Variants in KIAA0319 observed in about 807,000 individuals in gnomAD.
KIAA0319 encodes dyslexia-associated protein KIAA0319.
In KIAA0319, 83 loss-of-function variants were observed where a neutral mutation model predicts 108.4. The observed-to-expected ratio is 0.77, with a 90% confidence interval of 0.64 to 0.92. The LOEUF is 0.92. KIAA0319 is among the 40% of genes least tolerant of loss of function. KIAA0319 has a pLI of 0.00. For missense variants in KIAA0319, 1,195 were observed against 1,322.4 expected, an observed-to-expected ratio of 0.90 and a Z score of 1.49; for synonymous variants, 484 against 510.4, an observed-to-expected ratio of 0.95 and a Z score of 0.70.
At chr6:24,608,848 G>A (rs1011643362) in intron 1 of KIAA0319, among the ~76,000 whole-genome samples, 2 of 138,072 alleles carry the variant, frequency 1.4e-5, no homozygotes, top group Admixed American at 7.7e-5. Context: ...GGAGAATGGC[G>A]TGAACCCGGG....
chr6:24,558,826 T>C (rs1386207524), intron 17 of KIAA0319, among the ~76,000 whole-genome samples, 187 bp downstream of exon 17: 50 of 152,248 alleles, frequency 3.3e-4, no homozygotes, highest in Non-Finnish European at 1.5e-5. Context: ...TGTTTTCCAT[T>C]TTTCTTCCAA....
downstream of KIAA0319, among the ~76,000 whole-genome samples, chr6:24,542,891 G>T (rs146954255): frequency 2.0e-5 from 3 of 152,258 alleles, no homozygotes; most frequent in South Asian, 2.1e-4. Flanking sequence ...AACCAACCAG[G>T]CGTCATCTGT....
At chr6:24,600,605 C>G in intron 2 of KIAA0319, 1 of 1,377,884 alleles carries the variant, frequency 7.3e-7, no homozygotes, top group Non-Finnish European at 1.0e-6. Flanking sequence ...ACCCTCAATC[C>G]TTGGTATACT....
At chr6:24,620,592 C>T (rs1321020655) in intron 1 of KIAA0319, among the ~76,000 whole-genome samples, 1 of 152,240 alleles carries the variant, frequency 6.6e-6, no homozygotes, top group Non-Finnish European at 1.5e-5. Flanking sequence ...TAAGCCACTG[C>T]TCCCGGCCCC....
At chr6:24,634,137 C>A (rs187184315) in intron 1 of KIAA0319, among the ~76,000 whole-genome samples, 1 of 152,262 alleles carries the variant, frequency 6.6e-6, no homozygotes, top group Non-Finnish European at 1.5e-5. Flanking sequence ...TTATTTAACA[C>A]CTGTCATGAA....
intron 1 of KIAA0319, among the ~76,000 whole-genome samples, chr6:24,627,714 A>G (rs967386748): frequency 6.6e-6 from 1 of 152,202 alleles, no homozygotes; most frequent in Non-Finnish European, 1.5e-5. Flanking sequence ...TACTCCGTAA[A>G]TGGGAAAAGA....
In KIAA0319 at chr6:24,564,346, A is replaced by T; in HGVS notation, c.2293-6T>A. ...TCAGAGCCATCGATGACATCCTGCG[A>T]AAGAACACGGATCACAGGGCAGCTG... On this transcript the variant is annotated splice_region_variant and splice_polypyrimidine_tract_variant and intron_variant, in intron 14 of 20. Coordinates refer to ENST00000378214, the MANE Select transcript of KIAA0319 (RefSeq NM_014809.4). 7 of 1,614,152 alleles carry T rather than the reference A, an allele frequency of 4.3e-6. No homozygotes were observed. Among genetic ancestry groups the T allele is most frequent in the Non-Finnish European group, 5.9e-6 (7 of 1,179,976 alleles).
At position 24,560,814 on chromosome 6, in the gene KIAA0319, C is replaced by A. The variant is rs941225908; in HGVS notation, c.2592-1659G>T. Among the ~76,000 whole-genome samples, 106 of 152,190 alleles carry A rather than the reference C, an allele frequency of 7.0e-4. 1 individual carries two copies. The highest frequency in any genetic ancestry group is 5.6e-3 in the Admixed American group (86 of 15,282). On this transcript the variant is annotated intron_variant, in intron 16 of 20. Transcript: ENST00000378214. ...AGCCCACCCTACTCCAGTATAACTT[C>A]TTAACTAATTACATCTGTAATGACC... is the stretch of plus-strand genomic sequence containing the variant.
At chr6:24,605,987 T>G (rs1316187171) in intron 1 of KIAA0319, among the ~76,000 whole-genome samples, 1 of 151,962 alleles carries the variant, frequency 6.6e-6, no homozygotes, top group Admixed American at 6.6e-5. Context: ...CAGGCTGAAG[T>G]GGAGTGGTGC....
At chr6:24,594,642 C>CAACAA (rs757181965) in intron 3 of KIAA0319, among the ~76,000 whole-genome samples, 1 of 54,382 alleles carries the variant, frequency 1.8e-5, no homozygotes, top group African/African-American at 3.5e-5. Context: ...AAAAAAACAA[C>CAACAA]AAAAAAAAAA....
intron 1 of KIAA0319, among the ~76,000 whole-genome samples, chr6:24,629,864 C>T (rs1333339922): frequency 6.6e-6 from 1 of 152,124 alleles, no homozygotes; most frequent in Non-Finnish European, 1.5e-5. Flanking sequence ...TGAATGGAGG[C>T]TGAGTGAATG....
At position 24,544,730 on chromosome 6, in the gene KIAA0319, A is replaced by G. The variant is rs1159914150; in HGVS notation, c.*2435T>C. ...CTAGGGCCTGTTTTTCTCTGTCCAG[A>G]GCTCTTAGCGTGCTTTATCTCCCAA... is the stretch of plus-strand genomic sequence containing the variant. On this transcript the variant is annotated 3_prime_UTR_variant, in exon 21 of 21. Transcript: ENST00000378214. 2.0e-5 allele frequency: 3 copies of G among 152,200 alleles called. No homozygotes were observed. The highest frequency in any genetic ancestry group is 7.2e-5 in the African/African-American group (3 of 41,446). 9.4% of individuals were successfully genotyped at this position (152,200 alleles called of 1,614,324 possible).
chr6:24,616,653 G>C (rs952301095), intron 1 of KIAA0319, among the ~76,000 whole-genome samples: 2 of 152,000 alleles, frequency 1.3e-5, no homozygotes, highest in Middle Eastern at 3.2e-3. Flanking sequence ...TGCTCGGCCT[G>C]GTTATTTTTG....
chr6:24,576,067 T>G (rs568750464), intron 10 of KIAA0319, among the ~76,000 whole-genome samples: 23 of 152,328 alleles, frequency 1.5e-4, no homozygotes, highest in Middle Eastern at 3.4e-3. Context: ...TTTCTAAGGT[T>G]TCTCCCAATA....
At chr6:24,624,951 C>A (rs538734021) in intron 1 of KIAA0319, among the ~76,000 whole-genome samples, 1 of 152,190 alleles carries the variant, frequency 6.6e-6, no homozygotes, top group African/African-American at 2.4e-5. Flanking sequence ...TGTAATCCCA[C>A]CTACTCAGGA....
intron 1 of KIAA0319, among the ~76,000 whole-genome samples, chr6:24,607,052 A>C (rs1250189248): frequency 6.6e-6 from 1 of 152,234 alleles, no homozygotes; most frequent in African/African-American, 2.4e-5. Flanking sequence ...GCTTCTCTTG[A>C]ACATTTGTTT....
chr6:24,624,486 C>T (rs575655351), intron 1 of KIAA0319, among the ~76,000 whole-genome samples: 2 of 151,526 alleles, frequency 1.3e-5, no homozygotes, highest in South Asian at 4.2e-4. Flanking sequence ...AAAAATGAAT[C>T]CAAGAAAGAA....
At chr6:24,582,144 C>A in intron 6 of KIAA0319, 105 bp downstream of exon 6, 1 of 708,060 alleles carries the variant, frequency 1.4e-6, no homozygotes, top group East Asian at 2.8e-5. Context: ...AGACTCTGTC[C>A]CCAAAAAGAA....
In KIAA0319 at chr6:24,582,163, T is replaced by C; in HGVS notation, c.1191+86A>G. The C allele has an allele frequency of 2.5e-6, 2 of 786,290 alleles. 1 individual carries two copies. Among genetic ancestry groups the C allele is most frequent in the South Asian group, 2.8e-5 (2 of 71,078 alleles). 48.7% of individuals were successfully genotyped at this position (786,290 alleles called of 1,614,324 possible). ...TCTGTCCCCAAAAAGAAGAAAGACG[T>C]TTGGGTTCAGTAGCTAAGAAGGTAT... On this transcript the variant is annotated intron_variant, in intron 6 of 20. Transcript: ENST00000378214.
Sources: gnomAD v4.1 joint callset for allele counts (sites outside exome capture counted in the v4.1 genomes callset) on GRCh38, gnomAD v4.1.1 for gene constraint, MANE v1.5 for transcripts, NCBI Gene and HGNC (gene_info 2026-07-23, HGNC 2026-07-21) for gene names.